The following CAST variants were observed in gnomAD, a reference collection of about 807,000 sequenced individuals.
CAST encodes MIR583 host.
CAST carries 76 observed loss-of-function variants against 119.6 expected under a neutral mutation model. That is an observed-to-expected ratio of 0.64 (90% CI 0.53 to 0.77). The LOEUF (loss-of-function observed/expected upper bound fraction) is 0.77. CAST is among the 30% of genes least tolerant of loss of function. The pLI, the probability that CAST is intolerant of heterozygous loss-of-function variation, is 0.00. For synonymous variants in CAST, 319 were observed against 331.6 expected, an observed-to-expected ratio of 0.96 and a Z score of 0.41; for missense variants, 953 against 946.5, an observed-to-expected ratio of 1.01 and a Z score of -0.09.
At chr5:96,088,785 C>T in the CAST span, among the ~76,000 whole-genome samples, 2 of 152,076 alleles carry the variant, frequency 1.3e-5, no homozygotes, top group East Asian at 1.9e-4. Flanking sequence ...TCCTTTTCCC[C>T]GAGAAACAGG....
At chr5:96,488,008 T>G in the CAST span, among the ~76,000 whole-genome samples, 3 of 152,204 alleles carry the variant, frequency 2.0e-5, no homozygotes, top group African/African-American at 7.2e-5. Flanking sequence ...CATGGGAATT[T>G]TATACAATGT....
At chr5:96,363,102 C>T in the CAST span, among the ~76,000 whole-genome samples, 1 of 145,122 alleles carries the variant, frequency 6.9e-6, no homozygotes, top group East Asian at 2.0e-4. Context: ...ATCCTTTCCC[C>T]ATTGCTTGTT....
chr5:96,224,433 T>C, the CAST span, among the ~76,000 whole-genome samples: 1 of 152,152 alleles, frequency 6.6e-6, no homozygotes, highest in Non-Finnish European at 1.5e-5. Flanking sequence ...GGGAGACTAT[T>C]CTGTTGATCT....
At chr5:96,332,687 G>C in the CAST span, among the ~76,000 whole-genome samples, 1 of 151,900 alleles carries the variant, frequency 6.6e-6, no homozygotes, top group Non-Finnish European at 1.5e-5. Flanking sequence ...GTGCAAGTCA[G>C]GGGGAGGATA....
chr5:96,551,364 T>A (rs1178776529), intron 1 of CAST, among the ~76,000 whole-genome samples: 1 of 152,150 alleles, frequency 6.6e-6, no homozygotes, highest in Non-Finnish European at 1.5e-5. Flanking sequence ...GACAAGCAAA[T>A]GCTGAGAGAT....
At position 96,667,994 on chromosome 5, in the gene CAST, G is replaced by A. The variant is rs919895064; in HGVS notation, c.75+5497G>A. On this transcript the variant is annotated intron_variant, in intron 1 of 31. Coordinates refer to ENST00000675179, the MANE Select transcript of CAST (RefSeq NM_001750.7). ...TGCACCACTGCACTCCAGCCCGGGC[G>A]ACAGAGCAAGACTCCGTCTCAATAA... 3.9e-5 allele frequency among the ~76,000 whole-genome samples: 6 copies of A among 152,274 alleles called. No individual in the cohort carries two copies. In the East Asian group the frequency reaches 7.7e-4, roughly 20 times the overall value.
intron 2 of CAST, among the ~76,000 whole-genome samples, chr5:96,676,276 T>C (rs1250408697): frequency 2.0e-5 from 3 of 152,350 alleles, no homozygotes; most frequent in African/African-American, 7.2e-5. Flanking sequence ...GATACATCCA[T>C]CTTCATCCAG....
the CAST span, among the ~76,000 whole-genome samples, chr5:96,098,064 C>T: frequency 6.6e-6 from 1 of 152,160 alleles, no homozygotes; most frequent in African/African-American, 2.4e-5. Context: ...TTTTGATTTG[C>T]ATTTCTCTAA....
the CAST span, among the ~76,000 whole-genome samples, chr5:96,330,852 T>C: frequency 6.6e-6 from 1 of 152,126 alleles, no homozygotes; most frequent in Admixed American, 6.5e-5. Flanking sequence ...GTGTGGACCC[T>C]GGAGTGACTT....
At chr5:96,666,896 G>C (rs1375435616) in intron 1 of CAST, among the ~76,000 whole-genome samples, 1 of 151,534 alleles carries the variant, frequency 6.6e-6, no homozygotes, top group African/African-American at 2.4e-5. Context: ...TGTCTCAGCA[G>C]ATACAAAACT....
At chr5:96,249,868 C>G in the CAST span, among the ~76,000 whole-genome samples, 1 of 152,144 alleles carries the variant, frequency 6.6e-6, no homozygotes, top group Non-Finnish European at 1.5e-5. Context: ...ACCATATTCC[C>G]ATAGATTTGG....
the CAST span, among the ~76,000 whole-genome samples, chr5:96,206,416 C>G: frequency 6.6e-6 from 1 of 152,010 alleles, no homozygotes; most frequent in African/African-American, 2.4e-5. Context: ...AGGTTTTCTT[C>G]TGGGATATTT....
rs144376964 is a variant in CAST, at chr5:96,600,502, G to A, written c.60+70622G>A. On this transcript the variant is annotated intron_variant, in intron 1 of 11. Coordinates refer to the CAST transcript ENST00000505143. ...TAACAGGAGAAGTCACAGAAACGGAGAAAGAGAAGTGATGGGAATGAAGAA... is the reference window on the plus strand; with the variant it reads ...TAACAGGAGAAGTCACAGAAACGGAAAAAGAGAAGTGATGGGAATGAAGAA... 3.4e-3 allele frequency among the ~76,000 whole-genome samples: 511 copies of A among 152,334 alleles called. 3 individuals are homozygous for A. Among genetic ancestry groups the A allele is most frequent in the Middle Eastern group, 0.01 (3 of 294 alleles).
chr5:96,048,842 C>T, the CAST span, among the ~76,000 whole-genome samples: 4 of 152,060 alleles, frequency 2.6e-5, no homozygotes, highest in African/African-American at 7.2e-5. Context: ...GACGTAGTTC[C>T]CAAAGAGTAA....
At chr5:96,671,887 T>C (rs1274992290) in intron 1 of CAST, among the ~76,000 whole-genome samples, 3 of 152,202 alleles carry the variant, frequency 2.0e-5, no homozygotes. Context: ...TTTCATTCCA[T>C]CCTCTCAGTT....
At chr5:96,502,628 C>CTTTCT in the CAST span, among the ~76,000 whole-genome samples, 1 of 77,258 alleles carries the variant, frequency 1.3e-5, no homozygotes, top group African/African-American at 3.3e-5. Flanking sequence ...TTCTTTCTTT[C>CTTTCT]TTTCTTTCTT....
chr5:96,649,055 T>C (rs551289146), intron 1 of CAST, among the ~76,000 whole-genome samples: 1 of 152,314 alleles, frequency 6.6e-6, no homozygotes, highest in East Asian at 1.9e-4. Flanking sequence ...ACATGTCTTT[T>C]TAAAAATGTT....
the CAST span, among the ~76,000 whole-genome samples, chr5:96,136,912 CACTT>C: frequency 6.6e-6 from 1 of 152,124 alleles, no homozygotes; most frequent in Non-Finnish European, 1.5e-5. Flanking sequence ...TTACATATTC[CACTT>C]ACTTCCGAAG....
At chr5:96,650,570 C>A (rs1748077414) in intron 1 of CAST, among the ~76,000 whole-genome samples, 1 of 152,112 alleles carries the variant, frequency 6.6e-6, no homozygotes, top group Admixed American at 6.6e-5. Flanking sequence ...CCAATATTAA[C>A]AATCAGACAA....
Sources: gnomAD v4.1 joint callset for allele counts (sites outside exome capture counted in the v4.1 genomes callset) on GRCh38, gnomAD v4.1.1 for gene constraint, MANE v1.5 for transcripts, NCBI Gene and HGNC (gene_info 2026-07-23, HGNC 2026-07-21) for gene names.